CCNE2: variants seen among roughly 807,000 people sequenced by gnomAD.
The protein encoded by CCNE2 is G1/S-specific cyclin-E2.
A neutral mutation model predicts 56.8 loss-of-function variants in CCNE2; 18 were observed. The ratio of observed to expected loss-of-function variants is 0.32; its 90% confidence interval spans 0.22 to 0.47. The LOEUF is 0.47. CCNE2 is among the 20% of genes least tolerant of loss of function. The pLI is 1.00. For missense variants in CCNE2, 371 were observed against 467.1 expected, an observed-to-expected ratio of 0.79 and a Z score of 1.90; for synonymous variants, 139 against 149.2, an observed-to-expected ratio of 0.93 and a Z score of 0.50.
At chr8:94,893,806 C>G in intron 4 of CCNE2, 85 bp downstream of exon 4, 1 of 1,343,254 alleles carries the variant, frequency 7.4e-7, no homozygotes, top group Non-Finnish European at 1.1e-6. Flanking sequence ...AGGAATCTAT[C>G]GCAAAGCAAT....
At position 94,880,248 on chromosome 8, in the gene CCNE2, T is replaced by C. The variant is rs755674507; in HGVS notation, c.*1384A>G. ...CTTTACTTTTAAGCAGTTAAATTTT[T>C]TTAACTTTTATTTTTTAAACAATGG... On this transcript the variant is annotated 3_prime_UTR_variant, in exon 12 of 12. Coordinates refer to ENST00000308108, the MANE Select transcript of CCNE2 (RefSeq NM_057749.3). The C allele has an allele frequency of 7.0e-7, 1 of 1,438,350 alleles. No homozygotes were observed. The highest frequency in any genetic ancestry group is 9.7e-7 in the Non-Finnish European group (1 of 1,035,934). 89.1% of individuals were successfully genotyped at this position (1,438,350 alleles called of 1,614,324 possible).
At position 94,881,509 on chromosome 8, in the gene CCNE2, G is replaced by GTAAC. The variant is rs1563677907; in HGVS notation, c.*119_*122dup. On this transcript the variant is annotated 3_prime_UTR_variant, in exon 12 of 12. Coordinates refer to ENST00000308108, the MANE Select transcript of CCNE2 (RefSeq NM_057749.3). ...TAAGTTTTAAAATCAGAATGGCAGTGTAACTTGTGAATTGGCTAGGGCAAT... is the reference window on the plus strand; with the variant it reads ...TAAGTTTTAAAATCAGAATGGCAGTGTAACTAACTTGTGAATTGGCTAGGGCAAT... The GTAAC allele has an allele frequency of 5.9e-6, 5 of 854,444 alleles. No homozygotes were observed. Among genetic ancestry groups the GTAAC allele is most frequent in the African/African-American group, 5.2e-5 (3 of 58,248 alleles). The allele number at this position is 854,444 out of a possible 1,614,324, so 52.9% of individuals were successfully genotyped here. A position where few individuals can be genotyped will look rare whatever the true frequency, so the allele number is the denominator to read the frequency against.
chr8:94,894,486 ACTC>A, intron 1 of CCNE2: 1 of 508,924 alleles, frequency 2.0e-6, no homozygotes, highest in Non-Finnish European at 3.5e-6. Flanking sequence ...TTTACCAAGC[ACTC>A]CTGACACCTT....
intron 5 of CCNE2, among the ~76,000 whole-genome samples, chr8:94,890,861 TG>T (rs1817215589): frequency 1.3e-5 from 2 of 152,052 alleles, no homozygotes; most frequent in Non-Finnish European, 1.5e-5. Context: ...CTCAAAGTGC[TG>T]GGATTACAGG....
chr8:94,881,783 T>G (rs1360120734), intron 11 of CCNE2, 38 bp from the exon 12 acceptor site: 1 of 1,610,280 alleles, frequency 6.2e-7, no homozygotes, highest in Non-Finnish European at 8.5e-7. Context: ...ATTTCATAAA[T>G]CAAAGTCAAA....
chr8:94,896,591 C>A (rs900599420), upstream of CCNE2: 2 of 152,094 alleles, frequency 1.3e-5, no homozygotes, highest in African/African-American at 4.8e-5. Context: ...GTCTCGGAAC[C>A]CGCGGTAGCT....
chr8:94,896,468 G>C (rs1190014193), upstream of CCNE2: 1 of 152,268 alleles, frequency 6.6e-6, no homozygotes, highest in Non-Finnish European at 1.5e-5. Flanking sequence ...ACTGCACATC[G>C]TCAAGTCAGA....
At chr8:94,885,620 C>T (rs998888797) in intron 7 of CCNE2, 62 bp from the exon 8 acceptor site, 42 of 1,028,016 alleles carry the variant, frequency 4.1e-5, no homozygotes, top group Non-Finnish European at 5.8e-5. Flanking sequence ...AAATGTTCCT[C>T]AGTCTACAAT....
rs554988125 is a variant in CCNE2 at position 94,894,276 on chromosome 8, C to T, written c.-26-29G>A. The T allele has an allele frequency of 5.6e-6, 9 of 1,608,618 alleles. No homozygotes were observed. The African/African-American group carries it at 1.2e-4, about 21-fold the overall frequency. Reference sequence around the variant, plus strand: ...AAGGGGGGAGAGGAAAAGCCGCAGTCAAGTACATTGTCATTCACATTCTCC... The same window carrying T: ...AAGGGGGGAGAGGAAAAGCCGCAGTTAAGTACATTGTCATTCACATTCTCC... On this transcript the variant is annotated intron_variant, in intron 1 of 11. Transcript: ENST00000308108.
chr8:94,893,831 A>C, intron 4 of CCNE2, 60 bp downstream of exon 4: 6 of 1,434,972 alleles, frequency 4.2e-6, no homozygotes, highest in Non-Finnish European at 5.9e-6. Flanking sequence ...ACATAATTCT[A>C]TTCTTATTCA....
Position 94,881,367 on chromosome 8 carries a change from C to T in CCNE2, c.*265G>A, listed in dbSNP as rs1017002193. The stretch of plus-strand genomic sequence containing the variant: ...AGGAAAAACATTGCTATGGTATAGA[C>T]TGTGGTTGGCTTCTATCCAGTAACC... On this transcript the variant is annotated 3_prime_UTR_variant, in exon 12 of 12. Transcript: ENST00000308108. 4.0e-6 allele frequency: 2 copies of T among 497,650 alleles called. No individual in the cohort carries two copies. The highest frequency in any genetic ancestry group is 7.1e-6 in the Non-Finnish European group (2 of 281,902). 30.8% of individuals were successfully genotyped at this position (497,650 alleles called of 1,614,324 possible).
intron 6 of CCNE2, among the ~76,000 whole-genome samples, chr8:94,890,102 T>G (rs1037388197): frequency 6.6e-6 from 1 of 152,208 alleles, no homozygotes; most frequent in Non-Finnish European, 1.5e-5. Context: ...ATAGCATAAT[T>G]CAAAACCTAA....
chr8:94,894,329 G>A, intron 1 of CCNE2, 82 bp from the exon 2 acceptor site: 2 of 1,396,882 alleles, frequency 1.4e-6, no homozygotes, highest in East Asian at 2.3e-5. Context: ...TGATTCGCAG[G>A]TGAAAGCTCA....
upstream of CCNE2, chr8:94,895,345 G>T: frequency 2.6e-6 from 2 of 755,248 alleles, no homozygotes; most frequent in Non-Finnish European, 3.2e-6. Flanking sequence ...TGCTCTCAGT[G>T]CGCGCCCGCC....
chr8:94,890,668 C>T (rs2131116855), intron 5 of CCNE2, 118 bp from the exon 6 acceptor site: 1 of 242,602 alleles, frequency 4.1e-6, no homozygotes, highest in Non-Finnish European at 7.2e-6. Context: ...TCTTGGCTCA[C>T]TGTAATCTCC....
At chr8:94,884,964 T>G in intron 9 of CCNE2, 103 bp downstream of exon 9, 1 of 972,106 alleles carries the variant, frequency 1.0e-6, no homozygotes, top group Non-Finnish European at 1.5e-6. Flanking sequence ...AATTAAGGAG[T>G]GAAGTCAATA....
At chr8:94,895,432 G>A (rs1374727554), upstream of CCNE2, among the ~76,000 whole-genome samples, 2 of 152,156 alleles carry the variant, frequency 1.3e-5, no homozygotes, top group African/African-American at 2.4e-5. Flanking sequence ...GGCCGGCGGC[G>A]GTAGGGAAAC....
intron 8 of CCNE2, 89 bp from the exon 9 acceptor site, chr8:94,885,290 C>T: frequency 7.9e-7 from 1 of 1,258,016 alleles, no homozygotes; most frequent in Non-Finnish European, 1.1e-6. Context: ...AGTACATTCC[C>T]CATCCAACCA....
Position 94,880,282 on chromosome 8 carries a change from TAA to T in CCNE2, c.*1348_*1349del. ...TATTTTTTAAACAATGGGCTAAAAA[TAA>T]ACAGTATTAAAAGGTTAAGTTTATA... On this transcript the variant is annotated 3_prime_UTR_variant, in exon 12 of 12. Coordinates refer to ENST00000308108, the MANE Select transcript of CCNE2 (RefSeq NM_057749.3). 1 of 963,094 alleles carries T rather than the reference TAA, an allele frequency of 1.0e-6. No homozygotes were observed. Among genetic ancestry groups the T allele is most frequent in the Non-Finnish European group, 1.6e-6 (1 of 620,536 alleles). The allele number at this position is 963,094 out of a possible 1,614,324, so 59.7% of individuals were successfully genotyped here. A position where few individuals can be genotyped will look rare whatever the true frequency, so the allele number is the denominator to read the frequency against.
Sources: gnomAD v4.1 joint callset for allele counts (sites outside exome capture counted in the v4.1 genomes callset) on GRCh38, gnomAD v4.1.1 for gene constraint, MANE v1.5 for transcripts, NCBI Gene and HGNC (gene_info 2026-07-23, HGNC 2026-07-21) for gene names.